The following SERINC5 variants were observed in gnomAD, a reference collection of about 807,000 sequenced individuals.
SERINC5 encodes the protein chromosome 5 open reading frame 12.
A neutral mutation model predicts 63.1 loss-of-function variants in SERINC5; 41 were observed. The ratio of observed to expected loss-of-function variants is 0.65; its 90% CI spans 0.51 to 0.84. The LOEUF is 0.84. Among genes scored for constraint, SERINC5 ranks in the 40% least tolerant of loss-of-function variants. The probability of loss-of-function intolerance (pLI) is 0.00; values close to 1 mark genes in which losing one functional copy is unlikely to be tolerated. For synonymous variants in SERINC5, 222 were observed against 215.2 expected, an observed-to-expected ratio of 1.03 and a Z score of -0.28; for missense variants, 523 against 573.0, an observed-to-expected ratio of 0.91 and a Z score of 0.89.
intron 1 of SERINC5, among the ~76,000 whole-genome samples, chr5:80,246,613 C>G (rs1752180871): frequency 6.6e-6 from 1 of 152,162 alleles, no homozygotes; most frequent in Non-Finnish European, 1.5e-5. Context: ...AGCTGCTTTC[C>G]TTAAACATCA....
intron 1 of SERINC5, among the ~76,000 whole-genome samples, chr5:80,222,622 G>T (rs13356941): frequency 0.31 from 47,422 of 151,108 alleles, 7,600 homozygotes; most frequent in Admixed American, 0.4. Flanking sequence ...GTCCAGGCTG[G>T]AGTGCAATGG....
intron 11 of SERINC5, among the ~76,000 whole-genome samples, chr5:80,114,000 G>A (rs543662753): frequency 6.6e-6 from 1 of 152,102 alleles, no homozygotes; most frequent in South Asian, 2.1e-4. Context: ...GTGTCCTCAA[G>A]ATAACCCGAT....
At chr5:80,165,730 T>C (rs6878849) in intron 7 of SERINC5, among the ~76,000 whole-genome samples, 10,922 of 152,224 alleles carry the variant, frequency 0.072, 1,281 homozygotes, top group African/African-American at 0.25. Flanking sequence ...CTTTCCACTC[T>C]TTATTCCACT....
intron 7 of SERINC5, among the ~76,000 whole-genome samples, chr5:80,164,910 G>GTTTTTTTTTCTTTTT (rs1747175206): frequency 1.2e-5 from 1 of 85,190 alleles, no homozygotes; most frequent in Non-Finnish European, 2.1e-5. Flanking sequence ...CTTTTTTTCT[G>GTTTTTTTTTCTTTTT]TTTTTTTTTT....
At chr5:80,170,557 G>A (rs1747582133) in intron 5 of SERINC5, among the ~76,000 whole-genome samples, 1 of 152,306 alleles carries the variant, frequency 6.6e-6, no homozygotes, top group East Asian at 1.9e-4. Flanking sequence ...GAGCAGTCCT[G>A]AGACTCTTTA....
chr5:80,151,758 G>A (rs1479504247), intron 8 of SERINC5, among the ~76,000 whole-genome samples: 5 of 152,154 alleles, frequency 3.3e-5, no homozygotes, highest in Non-Finnish European at 5.9e-5. Context: ...CTATGTGTCA[G>A]GCCCGATTCT....
intron 1 of SERINC5, among the ~76,000 whole-genome samples, chr5:80,204,576 C>T (rs1750056408): frequency 6.6e-6 from 1 of 152,208 alleles, no homozygotes; most frequent in Non-Finnish European, 1.5e-5. Context: ...TCTTTAATGA[C>T]AACCATCAAT....
At chr5:80,233,541 G>A (rs543067882) in intron 1 of SERINC5, among the ~76,000 whole-genome samples, 2 of 152,188 alleles carry the variant, frequency 1.3e-5, no homozygotes, top group Admixed American at 1.3e-4. Context: ...CTGCTCATTA[G>A]AGAAGTGCAA....
intron 1 of SERINC5, among the ~76,000 whole-genome samples, chr5:80,250,092 A>T (rs901184466): frequency 7.2e-5 from 11 of 152,192 alleles, no homozygotes; most frequent in African/African-American, 2.7e-4. Context: ...CAGGGGGTTC[A>T]GCTAGGTCAC....
intron 1 of SERINC5, among the ~76,000 whole-genome samples, chr5:80,230,765 C>A (rs1751403563): frequency 6.6e-6 from 1 of 151,296 alleles, no homozygotes; most frequent in Non-Finnish European, 1.5e-5. Flanking sequence ...GGTCCAAACC[C>A]AGGTATAATT....
chr5:80,163,538 T>A (rs535307814), intron 7 of SERINC5, among the ~76,000 whole-genome samples: 1 of 151,712 alleles, frequency 6.6e-6, no homozygotes, highest in South Asian at 2.1e-4. Flanking sequence ...GTTCCTACTT[T>A]ATTGAGGGTT....
At chr5:80,205,104 G>A (rs1208956757) in intron 1 of SERINC5, among the ~76,000 whole-genome samples, 1 of 152,214 alleles carries the variant, frequency 6.6e-6, no homozygotes, top group African/African-American at 2.4e-5. Flanking sequence ...GCCCGTGTCT[G>A]CACTGATAAG....
chr5:80,222,801 TGGCCTCAGGTGATCCACCCGCCTC>T (rs1192671255), intron 1 of SERINC5, among the ~76,000 whole-genome samples: 1 of 152,108 alleles, frequency 6.6e-6, no homozygotes, highest in Non-Finnish European at 1.5e-5. Context: ...CTCGAACTCC[TGGCCTCAGGTGATCCACCCGCCTC>T]GGCCTCCCAA....
chr5:80,175,279 G>C (rs562802408), intron 4 of SERINC5, among the ~76,000 whole-genome samples: 21 of 152,150 alleles, frequency 1.4e-4, no homozygotes, highest in Admixed American at 2.6e-4. Flanking sequence ...GTTGGGATCT[G>C]AACACAGGCA....
chr5:80,182,325 A>T (rs896785976), intron 2 of SERINC5, among the ~76,000 whole-genome samples: 1 of 152,192 alleles, frequency 6.6e-6, no homozygotes, highest in Non-Finnish European at 1.5e-5. Context: ...CGTTATTCTG[A>T]GAAGCTGAAG....
At chr5:80,232,533 C>T (rs1443719139) in intron 1 of SERINC5, among the ~76,000 whole-genome samples, 2 of 152,050 alleles carry the variant, frequency 1.3e-5, no homozygotes, top group Non-Finnish European at 2.9e-5. Flanking sequence ...CGCCTGTAAT[C>T]CCAGCACTTT....
At chr5:80,153,459 AATTATCAAGAAAAGGTTT>A (rs1746315501) in intron 8 of SERINC5, among the ~76,000 whole-genome samples, 2 of 148,378 alleles carry the variant, frequency 1.3e-5, no homozygotes, top group African/African-American at 5.2e-5. Flanking sequence ...CTCTTCTTGG[AATTATCAAGAAAAGGTTT>A]TTTTTTTATA....
chr5:80,140,721 AC>A lies in SERINC5; in HGVS notation c.*2941del. On this transcript the variant is annotated 3_prime_UTR_variant, in exon 12 of 12. Transcript: ENST00000507668. ...GCCGCGGTATGACACTCCCATAAGA[AC>A]CCCCACCCCCCTGCCACCCACTTAG... 1.0e-6 allele frequency: 1 copy of A among 984,880 alleles called. No homozygotes were observed. Among genetic ancestry groups the A allele is most frequent in the Non-Finnish European group, 1.2e-6 (1 of 829,818 alleles). 61.0% of individuals were successfully genotyped at this position (984,880 alleles called of 1,614,324 possible).
At chr5:80,165,034 C>T (rs1206885052) in intron 7 of SERINC5, among the ~76,000 whole-genome samples, 3 of 150,054 alleles carry the variant, frequency 2.0e-5, no homozygotes, top group Admixed American at 6.7e-5. Flanking sequence ...TGTGCCACCA[C>T]GCTCAGCCTT....
Sources: allele counts gnomAD v4.1 joint callset (sites outside exome capture counted in the v4.1 genomes callset), GRCh38; gene constraint gnomAD v4.1.1; transcripts MANE v1.5; gene names NCBI Gene and HGNC (gene_info 2026-07-23, HGNC 2026-07-21).